ACLY: variants seen among roughly 807,000 people sequenced by gnomAD.
The protein encoded by ACLY is ATP citrate lyase.
In ACLY, 41 loss-of-function variants were observed where a neutral mutation model predicts 133.0. The observed-to-expected ratio is 0.31, with a 90% CI of 0.24 to 0.40. The LOEUF is 0.40. Among genes scored for constraint, ACLY ranks in the 10% least tolerant of loss-of-function variants. The pLI is 1.00. For synonymous variants in ACLY, 495 were observed against 549.3 expected (o/e 0.90, Z 1.38); for missense variants, 1,046 against 1,453.8 (o/e 0.72, Z 4.56).
intron 20 of ACLY, 104 bp from the exon 21 acceptor site, chr17:41,879,028 C>T: frequency 1.4e-6 from 2 of 1,445,432 alleles, no homozygotes; most frequent in Non-Finnish European, 1.9e-6. Flanking sequence ...TTCATTTAAG[C>T]CTCAAGCAAG....
At position 41,873,881 on chromosome 17, in the gene ACLY, G is replaced by A. The variant is rs868923166; in HGVS notation, c.2572C>T (p.Pro858Ser). The change falls in exon 23 of 29, where the codon CCC (proline) becomes TCC (serine). Residue 858 changes from proline to serine, a missense_variant. This residue lies in a region of ACLY where 205 missense variants were observed against 373.3 expected (regional missense o/e 0.55). Coordinates refer to ENST00000352035, the MANE Select transcript of ACLY (RefSeq NM_001096.3). The stretch of plus-strand genomic sequence containing the variant: ...TCTTCCTTGAAGACCTCAGTGATGG[G>A]CATGCCCGCGTAGATGAGCTCCTGT... Reference protein sequence around the residue: ...RGQELIYAGMPITEVFKEEMG... With the variant: ...RGQELIYAGMSITEVFKEEMG... The A allele has an allele frequency of 6.2e-7, 1 of 1,609,476 alleles. No homozygotes were observed. Among genetic ancestry groups the A allele is most frequent in the Admixed American group, 1.7e-5 (1 of 59,814 alleles).
intron 23 of ACLY, among the ~76,000 whole-genome samples, chr17:41,873,175 CTTT>C (rs529319940): frequency 1.5e-5 from 2 of 134,334 alleles, no homozygotes; most frequent in Non-Finnish European, 1.6e-5. Context: ...ACACAAGGTA[CTTT>C]TTTTTTTTTT....
At chr17:41,893,351 G>A (rs1272464795) in intron 14 of ACLY, among the ~76,000 whole-genome samples, 177 bp from the exon 15 acceptor site, 4 of 152,162 alleles carry the variant, frequency 2.6e-5, no homozygotes, top group Non-Finnish European at 4.4e-5. Flanking sequence ...GAGGTGCCTC[G>A]ATTTTTCTGG....
intron 22 of ACLY, among the ~76,000 whole-genome samples, chr17:41,874,935 A>AG (rs1383452785): frequency 1.4e-4 from 21 of 151,780 alleles, no homozygotes; most frequent in African/African-American, 5.1e-4. Flanking sequence ...AAAAAAAAAA[A>AG]AAAAAATGAG....
chr17:41,876,913 A>C (rs1295045817), intron 22 of ACLY, among the ~76,000 whole-genome samples: 5 of 152,002 alleles, frequency 3.3e-5, no homozygotes, highest in Admixed American at 3.3e-4. Context: ...AATACAAAAA[A>C]ATAAAAAATA....
At chr17:41,920,783 G>T (rs549666984), upstream of ACLY, among the ~76,000 whole-genome samples, 4 of 151,994 alleles carry the variant, frequency 2.6e-5, no homozygotes, top group Admixed American at 1.3e-4. Context: ...ACCGGGCGTG[G>T]TGATTCACAT....
Position 41,878,802 on chromosome 17 carries a change from G to C in ACLY, c.2388C>G (p.Ile796Met), listed in dbSNP as rs782277396. Residue 796 changes from isoleucine to methionine, a missense_variant, in exon 21 of 29, where the codon ATC (isoleucine) becomes ATG (methionine). This residue lies in a region of ACLY where 39 missense variants were observed against 30.8 expected (regional missense o/e 1.27). Coordinates refer to ENST00000352035, the MANE Select transcript of ACLY (RefSeq NM_001096.3). ...CCTCCCCAAGGTCCACTTACTGGAT[G>C]ATCTCTCCAAGCTCATCAAAGCTCC... ...VPRSFDELGE[I>M]IQSVYEDLVA... 5 of 1,613,776 alleles carry C rather than the reference G, an allele frequency of 3.1e-6. No homozygotes were observed. The highest frequency in any genetic ancestry group is 1.7e-6 in the Non-Finnish European group (2 of 1,179,892).
At position 41,909,011 on chromosome 17, in the gene ACLY, G is replaced by T. The variant is rs782291763; in HGVS notation, c.594C>A (p.Thr198=). The change falls in exon 6 of 29, where the codon ACC becomes ACA. Residue 198 remains threonine, a synonymous_variant. Transcript: ENST00000352035. Reference sequence around the variant, plus strand: ...TACCAAGGGGATTGATCTCGAGGTAGGTGAAGTACAAGTCCTCGTAGAAAT... The same window carrying T: ...TACCAAGGGGATTGATCTCGAGGTATGTGAAGTACAAGTCCTCGTAGAAAT... The part of the protein sequence containing the change: ...LFNFYEDLYF[T]YLEINPLVVT... The T allele has an allele frequency of 6.2e-7, 1 of 1,613,462 alleles. No individual in the cohort carries two copies. The highest frequency in any genetic ancestry group is 8.5e-7 in the Non-Finnish European group (1 of 1,179,886).
At chr17:41,929,460 T>C (rs2144471522) in intron 1 of ACLY, among the ~76,000 whole-genome samples, 1 of 152,310 alleles carries the variant, frequency 6.6e-6, no homozygotes, top group East Asian at 1.9e-4. Flanking sequence ...TACCCCTCTA[T>C]GAACATGTCT....
At chr17:41,903,160 T>A (rs1188214511) in intron 10 of ACLY, among the ~76,000 whole-genome samples, 2 of 152,054 alleles carry the variant, frequency 1.3e-5, no homozygotes, top group Non-Finnish European at 2.9e-5. Context: ...CTCACATGGA[T>A]CCACCACCAG....
chr17:41,905,584 T>A lies in ACLY; in HGVS notation c.941A>T (p.Gln314Leu). ...YGEYSGAPSE[Q>L]QTYDYAKTIL... Reference sequence around the variant, plus strand: ...AGTCTTGGCATAGTCATAGGTCTGCTGCTCGCTGGGGGCGCCTGAGTACTC... The same window carrying A: ...AGTCTTGGCATAGTCATAGGTCTGCAGCTCGCTGGGGGCGCCTGAGTACTC... Residue 314 changes from glutamine to leucine, a missense_variant, in exon 9 of 29, where the codon CAG becomes CTG. Physicochemically the swap from Gln to Leu is moderately radical, Grantham distance 113. Coordinates refer to ENST00000352035, the MANE Select transcript of ACLY (RefSeq NM_001096.3). 6.2e-7 allele frequency: 1 copy of A among 1,614,190 alleles called. No individual in the cohort carries two copies. Among genetic ancestry groups the A allele is most frequent in the Non-Finnish European group, 8.5e-7 (1 of 1,180,028 alleles).
At chr17:41,901,140 T>G (rs988725483) in intron 11 of ACLY, among the ~76,000 whole-genome samples, 1 of 151,250 alleles carries the variant, frequency 6.6e-6, no homozygotes, top group African/African-American at 2.4e-5. Context: ...TTTTTTTTTT[T>G]GTAGAGGCAG....
intron 1 of ACLY, 100 bp downstream of exon 1, chr17:41,918,780 G>T: frequency 8.0e-7 from 1 of 1,250,826 alleles, no homozygotes; most frequent in Non-Finnish European, 1.0e-6. Flanking sequence ...CGTGGGCACC[G>T]AGCCCGCGTC....
intron 17 of ACLY, among the ~76,000 whole-genome samples, chr17:41,886,929 G>A (rs571508258): frequency 6.6e-6 from 1 of 152,052 alleles, no homozygotes; most frequent in Non-Finnish European, 1.5e-5. Flanking sequence ...TTTGAGACCA[G>A]CCTGGCTAAC....
At position 41,897,764 on chromosome 17, in the gene ACLY, G is replaced by C. The variant is rs782186117; in HGVS notation, c.1414C>G (p.Pro472Ala). Residue 472 changes from proline to alanine, a missense_variant, in exon 13 of 29, where the codon CCT becomes GCT. Pro to Ala is a conservative substitution (Grantham distance 27). Around this residue, in one of 4 missense-constraint regions of ACLY, gnomAD observed 575 missense variants for 804.2 expected, o/e 0.71. Coordinates refer to ENST00000352035, the MANE Select transcript of ACLY (RefSeq NM_001096.3). The stretch of plus-strand genomic sequence containing the variant: ...AGGGAGTTACCTTGTGGCATGGCAG[G>C]CTTGGCCTTCTTTGCAGGCGCCACC... ...DEVAPAKKAK[P>A]AMPQDSVPSP... is the part of the protein sequence containing the mutation. 7 of 1,613,024 alleles carry C rather than the reference G, an allele frequency of 4.3e-6. No homozygotes were observed. In the Admixed American group the frequency reaches 1.2e-4, roughly 27 times the overall value.
At chr17:41,912,591 C>T (rs375838686) in intron 2 of ACLY, 49 bp from the exon 3 acceptor site, 11 of 1,610,720 alleles carry the variant, frequency 6.8e-6, no homozygotes, top group African/African-American at 2.7e-5. Context: ...TTAGATAAAC[C>T]GTAGTATTTT....
In ACLY at chr17:41,924,719, C is replaced by T. The variant is rs552587951; in HGVS notation, c.-28+5639G>A. Among the ~76,000 whole-genome samples, 29 of 152,294 alleles carry T rather than the reference C, an allele frequency of 1.9e-4. No individual in the cohort carries two copies. The East Asian group carries it at 5.2e-3, about 27-fold the overall frequency. ...CTAACCCGACAGAGGCTGCCTGCCA[C>T]CAGGGAAGCTGGAGGGATGGCTAGT... On this transcript the variant is annotated intron_variant, in intron 1 of 3. Transcript: ENST00000592970.
intron 22 of ACLY, among the ~76,000 whole-genome samples, chr17:41,877,171 G>A (rs1236834566): frequency 1.3e-5 from 2 of 149,416 alleles, no homozygotes; most frequent in South Asian, 2.1e-4. Context: ...ACGGAGTTTC[G>A]CTCTTGTTGC....
At chr17:41,911,785 C>T (rs1035906747) in intron 3 of ACLY, among the ~76,000 whole-genome samples, 21 of 152,094 alleles carry the variant, frequency 1.4e-4, no homozygotes, top group African/African-American at 4.6e-4. Flanking sequence ...CACTGCACTA[C>T]AGCCTTGAGT....
Sources: gnomAD v4.1 joint callset for allele counts (sites outside exome capture counted in the v4.1 genomes callset) on GRCh38, gnomAD v4.1.1 for gene constraint, gnomAD v4.1.1 regional missense constraint, MANE v1.5 for transcripts, NCBI Gene and HGNC (gene_info 2026-07-23, HGNC 2026-07-21) for gene names.